CNTNAP2: variants seen among roughly 807,000 people sequenced by gnomAD.
The protein encoded by CNTNAP2 is contactin associated protein 2.
Under a neutral mutation model 155.2 loss-of-function variants are expected in CNTNAP2, and 98 were observed. The observed-to-expected ratio is 0.63, with a 90% CI of 0.54 to 0.75. CNTNAP2 has a LOEUF of 0.75. Among genes scored for constraint, CNTNAP2 ranks in the 30% least tolerant of loss-of-function variants. The pLI, the probability that CNTNAP2 is intolerant of heterozygous loss-of-function variation, is 0.00. For synonymous variants in CNTNAP2, 651 were observed against 631.2 expected, an observed-to-expected ratio of 1.03 and a Z score of -0.47; for missense variants, 1,727 against 1,688.1, an observed-to-expected ratio of 1.02 and a Z score of -0.40.
rs1554403507 is a variant in CNTNAP2, at chr7:147,542,301, T to TAGA, written c.1778-19836_1778-19835insGAA. 4.5e-4 allele frequency among the ~76,000 whole-genome samples: 64 copies of TAGA among 143,638 alleles called. 1 individual carries two copies. Among genetic ancestry groups the TAGA allele is most frequent in the African/African-American group, 1.6e-3 (63 of 39,078 alleles). 94.2% of individuals were successfully genotyped at this position (143,638 alleles called of 152,430 possible). On this transcript the variant is annotated intron_variant, in intron 11 of 23. Coordinates refer to ENST00000361727, the MANE Select transcript of CNTNAP2 (RefSeq NM_014141.6). Reference sequence around the variant, plus strand: ...GGGAGACATTTGGATTGTTCAGTGGTAAAAAAAAAAAAGCTCCAAAAAAAA... The same window carrying TAGA: ...GGGAGACATTTGGATTGTTCAGTGGTAGAAAAAAAAAAAAAGCTCCAAAAAAAA...
chr7:146,748,221 C>G (rs911910367), intron 1 of CNTNAP2, among the ~76,000 whole-genome samples: 1 of 147,958 alleles, frequency 6.8e-6, no homozygotes, highest in Non-Finnish European at 1.5e-5. Context: ...TCTCAGCTCA[C>G]TGCAAGCTCT....
intron 1 of CNTNAP2, among the ~76,000 whole-genome samples, chr7:146,212,154 C>T (rs59979571): frequency 0.033 from 5,029 of 152,166 alleles, 279 homozygotes; most frequent in African/African-American, 0.12. Context: ...ACATCCAGAT[C>T]GCAGAGTGTA....
At chr7:146,553,807 G>A (rs1373765412) in intron 1 of CNTNAP2, among the ~76,000 whole-genome samples, 3 of 152,068 alleles carry the variant, frequency 2.0e-5, no homozygotes, top group Admixed American at 1.3e-4. Context: ...ACGTAAGTGT[G>A]AGCTCTTCTC....
rs1482118443 is a variant in CNTNAP2 at position 148,338,727 on chromosome 7, T to C, written c.3476-44922T>C. ...AACATAAAGATAAAAAGAAAAATAC[T>C]TGATTTTGTAGCATGCCAGAATATT... On this transcript the variant is annotated intron_variant, in intron 21 of 23. Coordinates refer to ENST00000361727, the MANE Select transcript of CNTNAP2 (RefSeq NM_014141.6). 2.6e-5 allele frequency among the ~76,000 whole-genome samples: 4 copies of C among 152,200 alleles called. No individual in the cohort carries two copies. The East Asian group carries it at 7.7e-4, about 29-fold the overall frequency.
intron 1 of CNTNAP2, among the ~76,000 whole-genome samples, chr7:146,340,288 T>A (rs900283865): frequency 3.5e-5 from 4 of 115,362 alleles, no homozygotes; most frequent in Non-Finnish European, 6.8e-5. Flanking sequence ...TTGTTGTTGT[T>A]TTTTTTTTTT....
intron 4 of CNTNAP2, among the ~76,000 whole-genome samples, chr7:147,090,757 A>G (rs1031614885): frequency 6.6e-5 from 10 of 152,220 alleles, no homozygotes; most frequent in African/African-American, 1.9e-4. Flanking sequence ...GGTTTTTAGG[A>G]TGTAATATTT....
chr7:146,540,897 C>A (rs971644210), intron 1 of CNTNAP2, among the ~76,000 whole-genome samples: 5 of 151,898 alleles, frequency 3.3e-5, no homozygotes, highest in African/African-American at 1.2e-4. Flanking sequence ...TTTGCAAATC[C>A]TCATTTGACC....
chr7:148,063,908 A>T (rs921484075), intron 15 of CNTNAP2, among the ~76,000 whole-genome samples: 2 of 152,096 alleles, frequency 1.3e-5, no homozygotes, highest in African/African-American at 4.8e-5. Flanking sequence ...ATTTTTATAT[A>T]AGGTGAGAGA....
chr7:146,181,906 C>A (rs1261231588), intron 1 of CNTNAP2, among the ~76,000 whole-genome samples: 2 of 152,098 alleles, frequency 1.3e-5, no homozygotes, highest in Non-Finnish European at 2.9e-5. Context: ...TTTTCAGGAG[C>A]TGATTTAATA....
intron 15 of CNTNAP2, among the ~76,000 whole-genome samples, chr7:148,038,804 A>G (rs1270194581): frequency 2.0e-5 from 3 of 151,412 alleles, no homozygotes; most frequent in Non-Finnish European, 2.9e-5. Context: ...AGAGAGAGAG[A>G]GAAGCAATAG....
intron 17 of CNTNAP2, among the ~76,000 whole-genome samples, 172 bp from the exon 18 acceptor site, chr7:148,172,070 G>A (rs1392665440): frequency 6.6e-6 from 1 of 152,158 alleles, no homozygotes; most frequent in African/African-American, 2.4e-5. Context: ...AGGCCTTATA[G>A]CCTGCAGGGA....
intron 9 of CNTNAP2, among the ~76,000 whole-genome samples, chr7:147,346,745 A>C (rs1346785326): frequency 6.6e-6 from 1 of 152,132 alleles, no homozygotes; most frequent in Non-Finnish European, 1.5e-5. Context: ...CTTTTTATTT[A>C]TTTATTTAAT....
rs1411280951 is a variant in CNTNAP2, at chr7:148,173,065, TTAGAGCA to T, written c.3010+589_3010+595del. Among the ~76,000 whole-genome samples, 5 of 152,374 alleles carry T rather than the reference TTAGAGCA, an allele frequency of 3.3e-5. No individual in the cohort carries two copies. The East Asian group carries it at 9.6e-4, about 29-fold the overall frequency. On this transcript the variant is annotated intron_variant, in intron 18 of 23. Coordinates refer to ENST00000361727, the MANE Select transcript of CNTNAP2 (RefSeq NM_014141.6). ...GAAAAACCACATTTAATTGGTCAGC[TTAGAGCA>T]TCTGTTATTACTTGGTTATTTTAGT...
At chr7:148,258,309 T>C (rs569518001) in intron 20 of CNTNAP2, among the ~76,000 whole-genome samples, 8 of 152,322 alleles carry the variant, frequency 5.3e-5, no homozygotes, top group African/African-American at 1.9e-4. Flanking sequence ...GCTGCAACCC[T>C]GGACTAGCAG....
intron 1 of CNTNAP2, among the ~76,000 whole-genome samples, chr7:146,361,258 C>T (rs1795078066): frequency 1.3e-5 from 2 of 152,112 alleles, no homozygotes; most frequent in South Asian, 4.1e-4. Flanking sequence ...ACAATCTTCT[C>T]AGGATGCAAA....
chr7:147,141,369 A>C (rs1358986365), intron 8 of CNTNAP2, among the ~76,000 whole-genome samples: 43 of 152,098 alleles, frequency 2.8e-4, no homozygotes, highest in Admixed American at 2.8e-3. Context: ...CCTATTTGTT[A>C]GGGTATAGGC....
At chr7:147,606,745 G>A (rs1166775356) in intron 12 of CNTNAP2, among the ~76,000 whole-genome samples, 4 of 152,034 alleles carry the variant, frequency 2.6e-5, no homozygotes, top group East Asian at 1.9e-4. Flanking sequence ...GGAAGCATAC[G>A]GAAATGGACA....
intron 2 of CNTNAP2, among the ~76,000 whole-genome samples, chr7:146,814,768 A>C (rs147588607): frequency 1.2e-3 from 181 of 152,268 alleles, no homozygotes; most frequent in Non-Finnish European, 1.7e-3. Flanking sequence ...CACCCCAAAG[A>C]AATACAAATA....
intron 14 of CNTNAP2, among the ~76,000 whole-genome samples, chr7:147,906,499 T>A (rs1799960830): frequency 6.8e-6 from 1 of 146,576 alleles, no homozygotes; most frequent in African/African-American, 2.5e-5. Context: ...TATTTTTTAT[T>A]TTTTTTTTTG....
Sources: allele counts gnomAD v4.1 joint callset (sites outside exome capture counted in the v4.1 genomes callset), GRCh38; gene constraint gnomAD v4.1.1; transcripts MANE v1.5; gene names NCBI Gene and HGNC (gene_info 2026-07-23, HGNC 2026-07-21).